The following DCTN5 variants were observed in gnomAD, a reference collection of about 807,000 sequenced individuals.
DCTN5 encodes the protein dynactin subunit 5.
A neutral mutation model predicts 23.5 loss-of-function variants in DCTN5; 14 were observed. That is an observed-to-expected ratio of 0.60 (90% CI 0.39 to 0.93). The LOEUF is 0.93. Among genes scored for constraint, DCTN5 ranks in the 40% least tolerant of loss-of-function variants. The pLI is 0.00. For missense variants in DCTN5, 156 were observed against 225.9 expected, an observed-to-expected ratio of 0.69 and a Z score of 1.98; for synonymous variants, 67 against 79.6, an observed-to-expected ratio of 0.84 and a Z score of 0.84.
chr16:23,645,117 ATATATATATATATATATATATT>A (rs1478356119), intron 2 of DCTN5, among the ~76,000 whole-genome samples: 29 of 36,658 alleles, frequency 7.9e-4, no homozygotes, highest in African/African-American at 2.6e-3. Flanking sequence ...ATATATATAT[ATATATATATATATATATATATT>A]TTTTTTTTTT....
chr16:23,665,595 C>G, intron 4 of DCTN5, 31 bp from the exon 5 acceptor site: 3 of 1,588,542 alleles, frequency 1.9e-6, no homozygotes, highest in Non-Finnish European at 1.7e-6. Flanking sequence ...GTAGACTGAT[C>G]CATTTCCTAT....
chr16:23,648,350 T>C (rs563705073), intron 2 of DCTN5, among the ~76,000 whole-genome samples: 23 of 144,566 alleles, frequency 1.6e-4, no homozygotes, highest in East Asian at 5.9e-4. Flanking sequence ...TTTTCTTTTT[T>C]TTTTTTTTTT....
intron 1 of DCTN5, among the ~76,000 whole-genome samples, chr16:23,641,889 C>G (rs913708997): frequency 2.0e-5 from 3 of 152,056 alleles, no homozygotes; most frequent in Non-Finnish European, 4.4e-5. Context: ...TTTTACACTG[C>G]CTTTTGTATC....
chr16:23,665,472 C>T (rs1967888866), intron 4 of DCTN5, among the ~76,000 whole-genome samples, 154 bp from the exon 5 acceptor site: 1 of 152,214 alleles, frequency 6.6e-6, no homozygotes, highest in Non-Finnish European at 1.5e-5. Flanking sequence ...CTTGCTGCCT[C>T]CTTCTCGTCA....
chr16:23,645,055 C>T (rs915384617), intron 2 of DCTN5, among the ~76,000 whole-genome samples: 7 of 115,316 alleles, frequency 6.1e-5, no homozygotes, highest in Non-Finnish European at 1.0e-4. Flanking sequence ...ACTGGGATTA[C>T]AAGTGTGAGC....
intron 4 of DCTN5, among the ~76,000 whole-genome samples, chr16:23,663,076 C>T (rs1476534414): frequency 1.3e-5 from 2 of 152,252 alleles, no homozygotes; most frequent in East Asian, 1.9e-4. Context: ...TTAGTCCAGC[C>T]GTCCCCATGA....
intron 2 of DCTN5, chr16:23,657,704 A>T: frequency 4.5e-6 from 1 of 224,072 alleles, no homozygotes; most frequent in South Asian, 4.3e-5. Flanking sequence ...GGCCTCCCAA[A>T]GTGTTGGGAT....
intron 3 of DCTN5, among the ~76,000 whole-genome samples, chr16:23,660,209 T>G (rs919557708): frequency 6.6e-6 from 1 of 152,172 alleles, no homozygotes; most frequent in Non-Finnish European, 1.5e-5. Context: ...TAAGGAAGAT[T>G]TAAACAAATT....
In DCTN5 at chr16:23,675,266, C is replaced by A. The variant is rs1347622297; in HGVS notation, c.*8122C>A. The A allele has an allele frequency of 1.3e-5, 2 of 152,078 alleles. No individual in the cohort carries two copies. The highest frequency in any genetic ancestry group is 3.9e-4 in the East Asian group (2 of 5,174). The allele number at this position is 152,078 out of a possible 1,614,324, so 9.4% of individuals were successfully genotyped here. ...ATATGATCCCAGCACTTTGGGAGGCCGAGGTGGGCAGATTGCTTGAGTTCA... is the reference window on the plus strand; with the variant it reads ...ATATGATCCCAGCACTTTGGGAGGCAGAGGTGGGCAGATTGCTTGAGTTCA... On this transcript the variant is annotated 3_prime_UTR_variant, in exon 6 of 6. Coordinates refer to ENST00000300087, the MANE Select transcript of DCTN5 (RefSeq NM_032486.4).
Position 23,670,566 on chromosome 16 carries a change from T to C in DCTN5, c.*3422T>C, listed in dbSNP as rs1329132849. On this transcript the variant is annotated 3_prime_UTR_variant, in exon 6 of 6. Coordinates refer to ENST00000300087, the MANE Select transcript of DCTN5 (RefSeq NM_032486.4). ...CCTCAGCGGTTCTCCTGAAAAAAAA[T>C]TGGCATCTGACAACCTGGATGGTGA... The C allele has an allele frequency of 1.3e-5, 2 of 152,030 alleles. No individual in the cohort carries two copies. Among genetic ancestry groups the C allele is most frequent in the African/African-American group, 4.8e-5 (2 of 41,372 alleles). The allele number at this position is 152,030 out of a possible 1,614,324, so 9.4% of individuals were successfully genotyped here.
Position 23,674,745 on chromosome 16 carries a change from T to G in DCTN5, c.*7601T>G, listed in dbSNP as rs918881445. ...ATTCAGGGTTTCATCCTTTATTAGT[T>G]TGCTAAGGATACCATAACAAAGTAC... On this transcript the variant is annotated 3_prime_UTR_variant, in exon 6 of 6. Coordinates refer to ENST00000300087, the MANE Select transcript of DCTN5 (RefSeq NM_032486.4). 6.6e-6 allele frequency: 1 copy of G among 152,240 alleles called. No homozygotes were observed. The highest frequency in any genetic ancestry group is 1.5e-5 in the Non-Finnish European group (1 of 68,044). The allele number at this position is 152,240 out of a possible 1,614,324, so 9.4% of individuals were successfully genotyped here. A position where few individuals can be genotyped will look rare whatever the true frequency, so the allele number is the denominator to read the frequency against.
In DCTN5 at chr16:23,658,524, C is replaced by T; in HGVS notation, c.135C>T (p.Asp45=). The change falls in exon 3 of 6, where the codon GAC becomes GAT. Residue 45 remains aspartate, a synonymous_variant. Coordinates refer to ENST00000300087, the MANE Select transcript of DCTN5 (RefSeq NM_032486.4). ...TCTTACAGACCATTGTGATGAATGA[C>T]TGTATTATCCGAGGGGATCTGGCAA... ...VLNGKTIVMN[D]CIIRGDLANV... is the part of the protein sequence containing the mutation. 6.2e-7 allele frequency: 1 copy of T among 1,613,964 alleles called. No individual in the cohort carries two copies. Among genetic ancestry groups the T allele is most frequent in the Non-Finnish European group, 8.5e-7 (1 of 1,179,888 alleles).
chr16:23,642,697 G>C (rs1967320508), intron 1 of DCTN5: 1 of 430,100 alleles, frequency 2.3e-6, no homozygotes, highest in African/African-American at 2.0e-5. Context: ...ATGTTGCCTA[G>C]GCTGGTCTTG....
intron 4 of DCTN5, among the ~76,000 whole-genome samples, chr16:23,662,705 G>A (rs1376780632): frequency 6.6e-6 from 1 of 152,214 alleles, no homozygotes; most frequent in Non-Finnish European, 1.5e-5. Flanking sequence ...CAAGGGGAAA[G>A]TTAGTAAAGT....
chr16:23,666,937 G>T (rs936664326), intron 5 of DCTN5, 110 bp from the exon 6 acceptor site: 2 of 1,516,598 alleles, frequency 1.3e-6, no homozygotes, highest in Non-Finnish European at 1.8e-6. Context: ...GATTATTTAA[G>T]TGATTGTCAG....
At chr16:23,665,291 A>AG (rs756963025) in intron 4 of DCTN5, among the ~76,000 whole-genome samples, 4 of 152,186 alleles carry the variant, frequency 2.6e-5, no homozygotes, top group African/African-American at 4.8e-5. Flanking sequence ...ACCAGAAGAA[A>AG]GGGGAATGGA....
chr16:23,653,944 C>T lies in DCTN5; in HGVS notation c.118-4563C>T, dbSNP rs188941993. On this transcript the variant is annotated intron_variant, in intron 2 of 5. Coordinates refer to ENST00000300087, the MANE Select transcript of DCTN5 (RefSeq NM_032486.4). ...ACAATAATCATGACAAAAAGCTCAA[C>T]ATCACTGATCATTAGAGAAGTGCAA... Among the ~76,000 whole-genome samples, 4 of 152,294 alleles carry T rather than the reference C, an allele frequency of 2.6e-5. No homozygotes were observed. The East Asian group carries it at 5.8e-4, about 22-fold the overall frequency.
At chr16:23,661,794 G>C (rs746981874) in intron 4 of DCTN5, among the ~76,000 whole-genome samples, 7 of 151,884 alleles carry the variant, frequency 4.6e-5, no homozygotes, top group Non-Finnish European at 7.4e-5. Flanking sequence ...ACGGGCAAGC[G>C]TTTATCAAGT....
intron 4 of DCTN5, among the ~76,000 whole-genome samples, chr16:23,663,530 A>G (rs1178433851): frequency 6.6e-6 from 1 of 152,122 alleles, no homozygotes; most frequent in African/African-American, 2.4e-5. Flanking sequence ...CCTGGCCAAC[A>G]TGGTGAAACC....
Sources: gnomAD v4.1 joint callset for allele counts (sites outside exome capture counted in the v4.1 genomes callset) on GRCh38, gnomAD v4.1.1 for gene constraint, MANE v1.5 for transcripts, NCBI Gene and HGNC (gene_info 2026-07-23, HGNC 2026-07-21) for gene names.